Variants in BMP7 observed in about 807,000 individuals in gnomAD.
BMP7 encodes the protein osteogenic protein 1.
BMP7 carries 12 observed loss-of-function variants against 41.2 expected under a neutral mutation model. That is an observed-to-expected ratio of 0.29 (90% CI 0.19 to 0.47). The LOEUF is 0.47. Ranked by LOEUF, BMP7 falls within the 20% of genes least tolerant of loss-of-function variation. The pLI, the probability that BMP7 is intolerant of heterozygous loss-of-function variation, is 0.99. For missense variants in BMP7, 467 were observed against 606.0 expected (o/e 0.77, Z 2.41); for synonymous variants, 248 against 250.0 (o/e 0.99, Z 0.07).
In BMP7 at chr20:57,265,694, C is replaced by A. The variant is rs1225609538; in HGVS notation, c.418+11G>T. On this transcript the variant is annotated intron_variant, in intron 1 of 6. Coordinates refer to ENST00000395863, the MANE Select transcript of BMP7 (RefSeq NM_001719.3). The stretch of plus-strand genomic sequence containing the variant: ...GAAAGGAGACGCGTACCCTCGCCTG[C>A]CCTTACTCACCGAGGTTGACGAAGC... 36 of 1,596,070 alleles carry A rather than the reference C, an allele frequency of 2.3e-5. No homozygotes were observed. Among genetic ancestry groups the A allele is most frequent in the Non-Finnish European group, 3.0e-5 (35 of 1,171,300 alleles).
At chr20:57,183,424 TC>T (rs1984131684) in intron 4 of BMP7, among the ~76,000 whole-genome samples, 1 of 478 alleles carries the variant, frequency 2.1e-3, no homozygotes, top group African/African-American at 0.012. Flanking sequence ...CGTTTCAGGG[TC>T]TTTCCTTCAT....
Position 57,169,321 on chromosome 20 carries a change from T to C in BMP7, c.*1638A>G, listed in dbSNP as rs1983760977. The C allele has an allele frequency of 6.6e-6, 1 of 152,232 alleles. No individual in the cohort carries two copies. The allele number at this position is 152,232 out of a possible 1,614,324, so 9.4% of individuals were successfully genotyped here. A position where few individuals can be genotyped will look rare whatever the true frequency, so the allele number is the denominator to read the frequency against. On this transcript the variant is annotated 3_prime_UTR_variant, in exon 7 of 7. Coordinates refer to ENST00000395863, the MANE Select transcript of BMP7 (RefSeq NM_001719.3). ...TCGATCACCTTGTTTTCTTTACAGA[T>C]GCAGAAAACGTTTGCAGACAGTCTA...
At chr20:57,219,484 T>A (rs1055203702) in intron 2 of BMP7, among the ~76,000 whole-genome samples, 58 of 152,246 alleles carry the variant, frequency 3.8e-4, no homozygotes, top group Non-Finnish European at 6.8e-4. Flanking sequence ...TGGTGACATT[T>A]TTGGTTTCAC....
intron 1 of BMP7, among the ~76,000 whole-genome samples, chr20:57,262,320 C>A (rs1158866713): frequency 1.3e-5 from 2 of 152,192 alleles, no homozygotes; most frequent in Non-Finnish European, 2.9e-5. Flanking sequence ...ACAAATCTTG[C>A]CATTGAACTT....
At position 57,228,935 on chromosome 20, in the gene BMP7, T is replaced by C. The variant is rs1038467134; in HGVS notation, c.419-514A>G. On this transcript the variant is annotated intron_variant, in intron 1 of 6. Transcript: ENST00000395863. The surrounding 1 kb of genome is among the most constrained non-coding windows in gnomAD (Gnocchi z 4.5). ...TTGGATAACTGTTAGCTATTGTTGG[T>C]AAGCATAAACCTTACTGTGCCTAGT... Among the ~76,000 whole-genome samples, 9 of 152,242 alleles carry C rather than the reference T, an allele frequency of 5.9e-5. No individual in the cohort carries two copies. The highest frequency in any genetic ancestry group is 2.2e-4 in the African/African-American group (9 of 41,472).
intron 1 of BMP7, among the ~76,000 whole-genome samples, chr20:57,229,104 C>T (rs905968424): frequency 2.0e-5 from 3 of 152,170 alleles, no homozygotes; most frequent in African/African-American, 4.8e-5. Flanking sequence ...TGATCTGAAG[C>T]GCCTGCTGAC....
intron 3 of BMP7, among the ~76,000 whole-genome samples, chr20:57,199,942 G>A (rs1984583652): frequency 6.6e-6 from 1 of 152,236 alleles, no homozygotes; most frequent in African/African-American, 2.4e-5. Flanking sequence ...GGGGGACAGG[G>A]ACACAGCATC....
chr20:57,169,122 CAT>C lies in BMP7; in HGVS notation c.*1835_*1836del, dbSNP rs979177940. 3.3e-5 allele frequency: 5 copies of C among 152,110 alleles called. No homozygotes were observed. Among genetic ancestry groups the C allele is most frequent in the Non-Finnish European group, 7.3e-5 (5 of 68,038 alleles). 9.4% of individuals were successfully genotyped at this position (152,110 alleles called of 1,614,324 possible). On this transcript the variant is annotated 3_prime_UTR_variant, in exon 7 of 7. Coordinates refer to ENST00000395863, the MANE Select transcript of BMP7 (RefSeq NM_001719.3). The stretch of plus-strand genomic sequence containing the variant: ...AGCTCTGCCAGCAAATGAAACCAAA[CAT>C]AACAAAAAATACTCCTCCCCAGTGA...
At chr20:57,236,065 T>C (rs1319724875) in intron 1 of BMP7, among the ~76,000 whole-genome samples, 3 of 152,154 alleles carry the variant, frequency 2.0e-5, no homozygotes, top group Non-Finnish European at 2.9e-5. Context: ...CACTAAACAA[T>C]GGCAACACTC....
rs1568733199 is a variant in BMP7 at position 57,261,754 on chromosome 20, C to T, written c.418+3951G>A. Among the ~76,000 whole-genome samples the T allele has an allele frequency of 1.3e-5, 2 of 152,210 alleles. No homozygotes were observed. The highest frequency in any genetic ancestry group is 6.5e-5 in the Admixed American group (1 of 15,290). On this transcript the variant is annotated intron_variant, in intron 1 of 6. Coordinates refer to ENST00000395863, the MANE Select transcript of BMP7 (RefSeq NM_001719.3). This position sits in a 1 kb window ranked among gnomAD's most constrained non-coding sequence, Gnocchi z 4.1. ...CCAAATTTTAACACAAGCCAGGTTACAGCTGCAAATGCCTGCAGTCCACGC... is the reference window on the plus strand; with the variant it reads ...CCAAATTTTAACACAAGCCAGGTTATAGCTGCAAATGCCTGCAGTCCACGC...
Position 57,170,540 on chromosome 20 carries a change from G to T in BMP7, c.*419C>A. The stretch of plus-strand genomic sequence containing the variant: ...TGTGACATTTATTACAGGAACTTCC[G>T]GGTCAATTTTCCTTTCGCACAGACA... On this transcript the variant is annotated 3_prime_UTR_variant, in exon 7 of 7. Coordinates refer to ENST00000395863, the MANE Select transcript of BMP7 (RefSeq NM_001719.3). The T allele has an allele frequency of 3.7e-6, 1 of 270,126 alleles. No individual in the cohort carries two copies. Among genetic ancestry groups the T allele is most frequent in the African/African-American group, 2.2e-5 (1 of 45,406 alleles). 16.7% of individuals were successfully genotyped at this position (270,126 alleles called of 1,614,324 possible).
intron 2 of BMP7, among the ~76,000 whole-genome samples, chr20:57,203,625 T>C (rs1984672011): frequency 6.6e-6 from 1 of 152,216 alleles, no homozygotes; most frequent in Non-Finnish European, 1.5e-5. Flanking sequence ...TTCTGGATAG[T>C]AGAATTCTAG....
chr20:57,173,522 A>G (rs1983856809), intron 5 of BMP7: 1 of 632,168 alleles, frequency 1.6e-6, no homozygotes. Flanking sequence ...ACCACTCTAT[A>G]GTCTTGGCCT....
chr20:57,208,052 A>T (rs1047539418), intron 2 of BMP7, among the ~76,000 whole-genome samples: 2 of 151,410 alleles, frequency 1.3e-5, no homozygotes, highest in Admixed American at 6.6e-5. Context: ...GATGGTCTCG[A>T]TCTCCTGACC....
chr20:57,246,717 G>A (rs912413449), intron 1 of BMP7, among the ~76,000 whole-genome samples: 5 of 152,160 alleles, frequency 3.3e-5, no homozygotes, highest in Admixed American at 2.0e-4. Context: ...GGCTGGGTGC[G>A]GTGGCTCATG....
intron 1 of BMP7, among the ~76,000 whole-genome samples, chr20:57,231,500 G>T (rs563197109): frequency 6.6e-6 from 1 of 152,314 alleles, no homozygotes; most frequent in East Asian, 1.9e-4. Context: ...GAAGAGACCA[G>T]GTCTGCCCCC....
At chr20:57,190,308 G>T (rs188645635) in intron 3 of BMP7, among the ~76,000 whole-genome samples, 1 of 151,812 alleles carries the variant, frequency 6.6e-6, no homozygotes, top group Non-Finnish European at 1.5e-5. Flanking sequence ...AGGCCAGAGT[G>T]AGTGAGGAGC....
intron 3 of BMP7, among the ~76,000 whole-genome samples, chr20:57,200,845 C>A (rs1433959926): frequency 6.6e-6 from 1 of 151,788 alleles, no homozygotes; most frequent in Non-Finnish European, 1.5e-5. Flanking sequence ...GGTCCTAGAG[C>A]TACACTCAAA....
chr20:57,228,547 G>C lies in BMP7; in HGVS notation c.419-126C>G. ...GGCATGCCCATTGCCAGTGACCCCA[G>C]TGACAACTGCTCCTTCCTCACCAAC... On this transcript the variant is annotated intron_variant, in intron 1 of 6. Transcript: ENST00000395863. The surrounding 1 kb of genome is among the most constrained non-coding windows in gnomAD (Gnocchi z 4.5). 8.9e-7 allele frequency: 1 copy of C among 1,123,802 alleles called. No individual in the cohort carries two copies. Among genetic ancestry groups the C allele is most frequent in the South Asian group, 1.3e-5 (1 of 78,654 alleles). The allele number at this position is 1,123,802 out of a possible 1,614,324, so 69.6% of individuals were successfully genotyped here. A position where few individuals can be genotyped will look rare whatever the true frequency, so the allele number is the denominator to read the frequency against.
Sources: gnomAD v4.1 joint callset for allele counts (sites outside exome capture counted in the v4.1 genomes callset) on GRCh38, gnomAD v4.1.1 for gene constraint, Gnocchi (gnomAD v3.1) non-coding constraint, MANE v1.5 for transcripts, NCBI Gene and HGNC (gene_info 2026-07-23, HGNC 2026-07-21) for gene names.